PTPRD: variants seen among roughly 807,000 people sequenced by gnomAD.
PTPRD encodes protein tyrosine phosphatase receptor type D, also known as receptor-type tyrosine-protein phosphatase delta.
A neutral mutation model predicts 214.5 loss-of-function variants in PTPRD; 34 were observed. That is an observed-to-expected ratio of 0.16 (90% CI 0.12 to 0.21). The LOEUF is 0.21. Among genes scored for constraint, PTPRD ranks in the 10% least tolerant of loss-of-function variants. The probability of loss-of-function intolerance (pLI) is 1.00; values close to 1 mark genes in which losing one functional copy is unlikely to be tolerated. For missense variants in PTPRD, 2,545 were observed against 2,398.7 expected, an observed-to-expected ratio of 1.06 and a Z score of -1.27; for synonymous variants, 1,128 against 845.7, an observed-to-expected ratio of 1.33 and a Z score of -5.79.
chr9:8,353,498 T>C (rs1445176227), intron 39 of PTPRD, among the ~76,000 whole-genome samples: 4 of 151,890 alleles, frequency 2.6e-5, no homozygotes, highest in African/African-American at 4.8e-5. Flanking sequence ...GCTGGTGTGA[T>C]CTCGGCTCAT....
At chr9:8,547,790 G>A (rs2080703034) in intron 14 of PTPRD, among the ~76,000 whole-genome samples, 3 of 152,088 alleles carry the variant, frequency 2.0e-5, no homozygotes, top group African/African-American at 4.8e-5. Flanking sequence ...ATAATTATGT[G>A]TGGATATGTA....
chr9:9,210,543 C>T (rs777583143), intron 9 of PTPRD, among the ~76,000 whole-genome samples: 18 of 152,056 alleles, frequency 1.2e-4, no homozygotes, highest in Admixed American at 2.6e-4. Context: ...CACTTTTCTC[C>T]TTCCTTGCTT....
chr9:9,312,451 G>T (rs539515443), intron 9 of PTPRD, among the ~76,000 whole-genome samples: 25 of 152,250 alleles, frequency 1.6e-4, no homozygotes, highest in Admixed American at 1.6e-3. Context: ...TAATGTAGAA[G>T]AGAAAAAAAT....
chr9:9,233,872 C>A (rs961036124), intron 9 of PTPRD, among the ~76,000 whole-genome samples: 3 of 152,196 alleles, frequency 2.0e-5, no homozygotes, highest in Non-Finnish European at 4.4e-5. Flanking sequence ...AGGGTATAGT[C>A]ACTCTCCTGG....
At chr9:9,758,530 C>G (rs1428469813) in intron 6 of PTPRD, among the ~76,000 whole-genome samples, 1 of 152,074 alleles carries the variant, frequency 6.6e-6, no homozygotes, top group African/African-American at 2.4e-5. Context: ...CGTGTGAGTT[C>G]CAGGTTCTCA....
intron 2 of PTPRD, among the ~76,000 whole-genome samples, chr9:10,482,791 T>C (rs182830551): frequency 6.6e-6 from 1 of 152,010 alleles, no homozygotes; most frequent in Non-Finnish European, 1.5e-5. Flanking sequence ...ACTACAAAAT[T>C]CTGCTGAAAG....
chr9:9,019,616 G>A (rs2099555248), intron 10 of PTPRD, among the ~76,000 whole-genome samples: 1 of 152,174 alleles, frequency 6.6e-6, no homozygotes, highest in South Asian at 2.1e-4. Flanking sequence ...TGAGGCAGGA[G>A]AATCACTTGA....
chr9:8,797,923 G>A (rs1429791035), intron 11 of PTPRD, among the ~76,000 whole-genome samples: 1 of 150,684 alleles, frequency 6.6e-6, no homozygotes, highest in African/African-American at 2.4e-5. Flanking sequence ...AAGCTGGAGT[G>A]CAGTGGCAAA....
Position 8,634,240 on chromosome 9 carries a change from T to TAA in PTPRD, c.211-784_211-783dup, listed in dbSNP as rs59879265. On this transcript the variant is annotated intron_variant, in intron 13 of 45. Coordinates refer to ENST00000381196, the MANE Select transcript of PTPRD (RefSeq NM_002839.4). ...CTTGTTAGCTAATTCAAGTACCACT[T>TAA]AAAAAAAAAAAAGATGATGATATTA... 1.3e-3 allele frequency among the ~76,000 whole-genome samples: 181 copies of TAA among 144,372 alleles called. 2 individuals carry two copies. Among genetic ancestry groups the TAA allele is most frequent in the African/African-American group, 4.4e-3 (174 of 39,900 alleles). The allele number at this position is 144,372 out of a possible 152,430, so 94.7% of individuals were successfully genotyped here. A position where few individuals can be genotyped will look rare whatever the true frequency, so the allele number is the denominator to read the frequency against.
At chr9:9,758,569 G>C (rs776145275) in intron 6 of PTPRD, among the ~76,000 whole-genome samples, 2 of 152,178 alleles carry the variant, frequency 1.3e-5, no homozygotes, top group African/African-American at 4.8e-5. Flanking sequence ...AGATAGAACA[G>C]TGGCTACAAC....
chr9:9,660,388 T>A (rs978344211), intron 7 of PTPRD, among the ~76,000 whole-genome samples: 1 of 151,968 alleles, frequency 6.6e-6, no homozygotes, highest in Non-Finnish European at 1.5e-5. Context: ...TTATTTTAGC[T>A]ACAGCCAAGT....
intron 8 of PTPRD, among the ~76,000 whole-genome samples, chr9:9,411,603 G>T (rs1403564939): frequency 6.6e-6 from 1 of 152,160 alleles, no homozygotes; most frequent in South Asian, 2.1e-4. Flanking sequence ...CGAAATGAGA[G>T]CTAAATTGTT....
intron 7 of PTPRD, among the ~76,000 whole-genome samples, chr9:9,664,007 C>G (rs1017122991): frequency 1.1e-4 from 16 of 146,854 alleles, no homozygotes; most frequent in African/African-American, 2.8e-4. Flanking sequence ...TTTTAAGTTA[C>G]TTTGGATTAT....
At chr9:10,542,868 A>C (rs746165023) in intron 2 of PTPRD, among the ~76,000 whole-genome samples, 1 of 151,986 alleles carries the variant, frequency 6.6e-6, no homozygotes, top group South Asian at 2.1e-4. Flanking sequence ...ACAGACATGC[A>C]CTACCACGCC....
chr9:8,331,226 A>G (rs1840491432), intron 44 of PTPRD, among the ~76,000 whole-genome samples: 1 of 149,784 alleles, frequency 6.7e-6, no homozygotes, highest in Admixed American at 6.6e-5. Flanking sequence ...AACAGAAGAA[A>G]GACAGTTATC....
chr9:8,730,263 G>GA (rs1219723058), intron 12 of PTPRD, among the ~76,000 whole-genome samples: 3 of 149,856 alleles, frequency 2.0e-5, no homozygotes, highest in Admixed American at 6.6e-5. Context: ...CTCAAAAAAA[G>GA]AAAAAAAAAG....
At chr9:8,980,521 A>T (rs2099306237) in intron 11 of PTPRD, among the ~76,000 whole-genome samples, 1 of 152,124 alleles carries the variant, frequency 6.6e-6, no homozygotes, top group Non-Finnish European at 1.5e-5. Context: ...ATTTATTTTT[A>T]AAAAGTCTAT....
At chr9:10,280,834 T>G (rs2095062613) in intron 3 of PTPRD, among the ~76,000 whole-genome samples, 1 of 151,998 alleles carries the variant, frequency 6.6e-6, no homozygotes, top group Non-Finnish European at 1.5e-5. Flanking sequence ...AGGCTGGTCT[T>G]GAACTCCTGG....
At position 8,510,003 on chromosome 9, in the gene PTPRD, C is replaced by T. The variant is rs551002349; in HGVS notation, c.1544-2569G>A. 2.0e-5 allele frequency among the ~76,000 whole-genome samples: 3 copies of T among 152,206 alleles called. No homozygotes were observed. The East Asian group carries it at 5.8e-4, about 29-fold the overall frequency. On this transcript the variant is annotated intron_variant, in intron 21 of 45. Coordinates refer to ENST00000381196, the MANE Select transcript of PTPRD (RefSeq NM_002839.4). The stretch of plus-strand genomic sequence containing the variant: ...TTAGATTTTAAACTTGTGGTTCAGG[C>T]TTAGGCATGGTAACTCACATCTGTA...
Sources: gnomAD v4.1 joint callset for allele counts (sites outside exome capture counted in the v4.1 genomes callset) on GRCh38, gnomAD v4.1.1 for gene constraint, MANE v1.5 for transcripts, NCBI Gene and HGNC (gene_info 2026-07-23, HGNC 2026-07-21) for gene names.